The following CFAP46 variants were observed in gnomAD, a reference collection of about 807,000 sequenced individuals.
CFAP46 encodes cilia- and flagella-associated protein 46.
CFAP46 carries 245 observed loss-of-function variants against 325.7 expected under a neutral mutation model. The observed-to-expected ratio is 0.75, with a 90% CI of 0.68 to 0.84. The LOEUF (loss-of-function observed/expected upper bound fraction) is 0.84, where lower values mean the gene tolerates loss of function less well. Among genes scored for constraint, CFAP46 ranks in the 40% least tolerant of loss-of-function variants. CFAP46 has a pLI of 0.00. For missense variants in CFAP46, 3,346 were observed against 3,543.0 expected (o/e 0.94, Z 1.41); for synonymous variants, 1,523 against 1,495.9 (o/e 1.02, Z -0.42).
chr10:132,835,101 G>GCCAAGGAGC (rs1242937573), intron 47 of CFAP46, among the ~76,000 whole-genome samples: 3 of 152,266 alleles, frequency 2.0e-5, no homozygotes, highest in Admixed American at 1.3e-4. Context: ...ATCAGACATG[G>GCCAAGGAGC]CCAAGGAGCC....
In CFAP46 at chr10:132,851,123, G is replaced by T; in HGVS notation, c.5757C>A (p.Val1919=). 6.2e-7 allele frequency: 1 copy of T among 1,613,764 alleles called. No individual in the cohort carries two copies. Among genetic ancestry groups the T allele is most frequent in the Non-Finnish European group, 8.5e-7 (1 of 1,179,976 alleles). Residue 1919 remains valine, a synonymous_variant, in exon 40 of 58, where the codon GTC becomes GTA. Transcript: ENST00000368586. ...CTGTGACCCCAGCAATTACCAGGCC[G>T]ACGGAAGTGTAGTCACTGGTGTTCT... The part of the protein sequence containing the change: ...YLQNTSDYTS[V]GLQWFTLKRT...
At chr10:132,917,091 C>A (rs1849651878) in intron 16 of CFAP46, among the ~76,000 whole-genome samples, 1 of 152,268 alleles carries the variant, frequency 6.6e-6, no homozygotes, top group African/African-American at 2.4e-5. Context: ...TGGCACAGCC[C>A]CGTGGCCGCC....
At chr10:132,812,939 C>T (rs1475289017) in intron 54 of CFAP46, 42 bp from the exon 55 acceptor site, 3 of 1,505,236 alleles carry the variant, frequency 2.0e-6, no homozygotes, top group Non-Finnish European at 2.7e-6. Flanking sequence ...GCCCATGCAC[C>T]TGTACCAGAC....
At chr10:132,865,033 T>G (rs1207890946) in intron 35 of CFAP46, among the ~76,000 whole-genome samples, 2 of 152,248 alleles carry the variant, frequency 1.3e-5, no homozygotes, top group African/African-American at 4.8e-5. Context: ...AAGGCTTTGA[T>G]GGGCATCACT....
At chr10:132,880,131 T>C (rs1211536265) in intron 28 of CFAP46, among the ~76,000 whole-genome samples, 4 of 152,162 alleles carry the variant, frequency 2.6e-5, no homozygotes, top group South Asian at 2.1e-4. Flanking sequence ...TGTGTGTGTG[T>C]GTGTGGAGTG....
chr10:132,850,335 C>T lies in CFAP46; in HGVS notation c.5861G>A (p.Arg1954Gln), dbSNP rs149682006. The T allele has an allele frequency of 5.9e-5, 91 of 1,553,956 alleles. 1 individual carries two copies. In the African/African-American group the frequency reaches 7.9e-4, roughly 13 times the overall value. The change falls in exon 41 of 58, where the codon CGG becomes CAG. Residue 1954 changes from arginine (R) to glutamine (Q), a missense_variant. Physicochemically the swap from Arg to Gln is conservative, Grantham distance 43. Coordinates refer to ENST00000368586, the MANE Select transcript of CFAP46 (RefSeq NM_001200049.3). ...GGCCCTCCCGGCCAGGCCCAGGAGC[C>T]GGGCGCGGATCTCCACACAGCCCAC... ...LSVGCVEIRA[R>Q]LLGLAGRALH...
At chr10:132,929,016 G>C (rs933666445) in intron 9 of CFAP46, among the ~76,000 whole-genome samples, 9 of 152,136 alleles carry the variant, frequency 5.9e-5, no homozygotes, top group Non-Finnish European at 1.0e-4. Context: ...GTTCACTGCA[G>C]CCCTTTATGT....
Position 132,885,909 on chromosome 10 carries a change from G to T in CFAP46, c.3355C>A (p.His1119Asn), listed in dbSNP as rs1849123218. ...CAGTCGTCCTGGTCGGCATGGCTGTGGAAGAGCAGGCCGTAGAGCGCAGCA... is the reference window on the plus strand; with the variant it reads ...CAGTCGTCCTGGTCGGCATGGCTGTTGAAGAGCAGGCCGTAGAGCGCAGCA... ...LRAALYGLLF[H>N]SHADQDDWEG... Residue 1119 changes from histidine to asparagine, a missense_variant, in exon 26 of 58, where the codon CAC becomes AAC. By Grantham distance (68) the His-to-Asn change is moderately conservative (BLOSUM62 1). Transcript: ENST00000368586. The T allele has an allele frequency of 6.5e-7, 1 of 1,550,206 alleles. No individual in the cohort carries two copies. Among genetic ancestry groups the T allele is most frequent in the Admixed American group, 2.0e-5 (1 of 50,974 alleles).
chr10:132,888,390 G>T (rs112662071), intron 25 of CFAP46, among the ~76,000 whole-genome samples: 2,111 of 29,780 alleles, frequency 0.071, 104 homozygotes, highest in Non-Finnish European at 0.078. Flanking sequence ...CCTGCCGCCT[G>T]CACCCCTGCC....
At chr10:132,850,852 T>G (rs766896631) in intron 40 of CFAP46, among the ~76,000 whole-genome samples, 4 of 152,084 alleles carry the variant, frequency 2.6e-5, no homozygotes, top group Admixed American at 6.5e-5. Context: ...TACGAATTAA[T>G]TAGAGCAAAT....
chr10:132,813,760 C>T (rs925287768), intron 54 of CFAP46, among the ~76,000 whole-genome samples: 5 of 152,184 alleles, frequency 3.3e-5, no homozygotes, highest in South Asian at 2.1e-4. Flanking sequence ...CCCTCCCACC[C>T]GTGGTGCTCT....
chr10:132,872,664 A>T lies in CFAP46; in HGVS notation c.4511+12T>A. ...TGGGGAAATCACACTCCGAAAAAGG[A>T]GCTGTACCCACCGAAGGTGGTAGAG... On this transcript the variant is annotated intron_variant, in intron 32 of 57. Transcript: ENST00000368586. The T allele has an allele frequency of 1.3e-6, 2 of 1,550,552 alleles. No homozygotes were observed. The highest frequency in any genetic ancestry group is 1.7e-6 in the Non-Finnish European group (2 of 1,146,996).
chr10:132,856,553 T>G (rs1225905625), intron 39 of CFAP46, among the ~76,000 whole-genome samples: 1 of 152,228 alleles, frequency 6.6e-6, no homozygotes, highest in African/African-American at 2.4e-5. Context: ...GCTATGTCTC[T>G]AAGTTCTCCA....
At position 132,872,717 on chromosome 10, in the gene CFAP46, G is replaced by T; in HGVS notation, c.4470C>A (p.Ser1490=). ...CCGACAGGCCCTTGCTTCCCACCACGGAGTCCGAAATCAGCACCCCCAACT... is the reference window on the plus strand; with the variant it reads ...CCGACAGGCCCTTGCTTCCCACCACTGAGTCCGAAATCAGCACCCCCAACT... The part of the protein sequence containing the change: ...VLQLGVLISD[S]VVGSKGLSDL... The change falls in exon 32 of 58, where the codon TCC becomes TCA. Residue 1490 remains serine (S), a synonymous_variant. Transcript: ENST00000368586. The T allele has an allele frequency of 6.4e-7, 1 of 1,550,754 alleles. No homozygotes were observed.
intron 26 of CFAP46, among the ~76,000 whole-genome samples, chr10:132,885,575 C>A (rs996269919): frequency 1.4e-5 from 2 of 145,090 alleles, no homozygotes; most frequent in Admixed American, 1.4e-4. Context: ...AGGGGGACAG[C>A]GTGGAGCAGG....
rs543082298 is a variant in CFAP46, at chr10:132,924,854, G to A, written c.1098C>T (p.Val366=). ...CCAGGCGCACGGCTCGCTGCAGCGCGACGTCTAGCCTCTGTATGATATCCA... is the reference window on the plus strand; with the variant it reads ...CCAGGCGCACGGCTCGCTGCAGCGCAACGTCTAGCCTCTGTATGATATCCA... ...AQLDIIQRLD[V]ALQRAVRLGD... The change falls in exon 11 of 58, where the codon GTC becomes GTT. Residue 366 remains valine, a synonymous_variant. Coordinates refer to ENST00000368586, the MANE Select transcript of CFAP46 (RefSeq NM_001200049.3). 1.2e-5 allele frequency: 17 copies of A among 1,428,122 alleles called. No homozygotes were observed. Among genetic ancestry groups the A allele is most frequent in the Middle Eastern group, 1.8e-4 (1 of 5,484 alleles). The allele number at this position is 1,428,122 out of a possible 1,614,324, so 88.5% of individuals were successfully genotyped here.
In CFAP46 at chr10:132,924,790, A is replaced by G. The variant is rs1341022351; in HGVS notation, c.1162T>C (p.Trp388Arg). 6 of 1,523,156 alleles carry G rather than the reference A, an allele frequency of 3.9e-6. No individual in the cohort carries two copies. Among genetic ancestry groups the G allele is most frequent in the Non-Finnish European group, 5.3e-6 (6 of 1,134,956 alleles). 94.4% of individuals were successfully genotyped at this position (1,523,156 alleles called of 1,614,324 possible). ...TGCAGCAGGGGCAGGCAGGTGTTCC[A>G]CTGCGTGGCGCACACCACGTGGATG... is the stretch of plus-strand genomic sequence containing the variant. ...RVIHVVCATQ[W>R]NTCLPLLQHN... Residue 388 changes from tryptophan (W) to arginine (R), a missense_variant, in exon 11 of 58, where the codon TGG becomes CGG. Transcript: ENST00000368586.
Position 132,823,036 on chromosome 10 carries a change from G to GCTGATGTGTGCTGTGTGCTGTGTGTGCA in CFAP46, c.7118-8123_7118-8122insTGCACACACAGCACACAGCACACATCAG, listed in dbSNP as rs1847914779. ...TGTGTGTGCTGTGTGCTGTGTGTGC[G>GCTGATGTGTGCTGTGTGCTGTGTGTGCA]CTGATGTGTGCTGTGTGCTGTGAGT... On this transcript the variant is annotated intron_variant, in intron 50 of 57. Transcript: ENST00000368586. Among the ~76,000 whole-genome samples, 2 of 127,112 alleles carry GCTGATGTGTGCTGTGTGCTGTGTGTGCA rather than the reference G, an allele frequency of 1.6e-5. 1 individual carries two copies. The highest frequency in any genetic ancestry group is 3.2e-5 in the Non-Finnish European group (2 of 61,910). The allele number at this position is 127,112 out of a possible 152,430, so 83.4% of individuals were successfully genotyped here.
chr10:132,865,640 C>T (rs1372512980), intron 35 of CFAP46, among the ~76,000 whole-genome samples: 4 of 152,216 alleles, frequency 2.6e-5, no homozygotes, highest in African/African-American at 9.6e-5. Flanking sequence ...CGCACACAAT[C>T]CGCCTTCTAG....
Sources: gnomAD v4.1 joint callset for allele counts (sites outside exome capture counted in the v4.1 genomes callset) on GRCh38, gnomAD v4.1.1 for gene constraint, MANE v1.5 for transcripts, NCBI Gene and HGNC (gene_info 2026-07-23, HGNC 2026-07-21) for gene names.